The following MTOR variants were observed in gnomAD, a reference collection of about 807,000 sequenced individuals.
The protein encoded by MTOR is serine/threonine-protein kinase mTOR.
MTOR carries 70 observed loss-of-function variants against 319.8 expected under a neutral mutation model. The observed-to-expected ratio is 0.22, with a 90% CI of 0.18 to 0.27. The LOEUF (loss-of-function observed/expected upper bound fraction) is 0.27, where lower values mean the gene tolerates loss of function less well. Among genes scored for constraint, MTOR ranks in the 10% least tolerant of loss-of-function variants. MTOR has a pLI of 1.00. For synonymous variants in MTOR, 1,183 were observed against 1,211.4 expected (o/e 0.98, Z 0.49); for missense variants, 1,890 against 3,274.4 (o/e 0.58, Z 10.32).
rs1356346144 is a variant in MTOR at position 11,199,879 on chromosome 1, T to C, written c.3945-176A>G. On this transcript the variant is annotated intron_variant, in intron 26 of 57. Coordinates refer to ENST00000361445, the MANE Select transcript of MTOR (RefSeq NM_004958.4). This position sits in a 1 kb window ranked among gnomAD's most constrained non-coding sequence, Gnocchi z 4.5. ...GTCCAATATGGTAGCCAGTGATCAC[T>C]AAAGCACTTGAACTGTGGCAAGTGT... Among the ~76,000 whole-genome samples the C allele has an allele frequency of 6.6e-6, 1 of 152,240 alleles. No individual in the cohort carries two copies. Among genetic ancestry groups the C allele is most frequent in the African/African-American group, 2.4e-5 (1 of 41,454 alleles).
chr1:11,129,728 T>A lies in MTOR; in HGVS notation c.5714+10A>T, dbSNP rs748151442. On this transcript the variant is annotated intron_variant, in intron 40 of 57. Transcript: ENST00000361445. The surrounding 1 kb of genome is among the most constrained non-coding windows in gnomAD (Gnocchi z 4.7). ...GCCTACCAGAGTTGCATCCTTCCCT[T>A]CTCTGATACCTGAGTGTATCCTGGA... The A allele has an allele frequency of 1.2e-5, 19 of 1,611,732 alleles. No individual in the cohort carries two copies. Among genetic ancestry groups the A allele is most frequent in the Non-Finnish European group, 1.6e-5 (19 of 1,178,008 alleles).
chr1:11,112,585 C>A (rs906784036), intron 54 of MTOR, among the ~76,000 whole-genome samples: 1 of 152,202 alleles, frequency 6.6e-6, no homozygotes, highest in Admixed American at 6.5e-5. Flanking sequence ...TGTTCAGTAG[C>A]CATTACCACT....
chr1:11,242,736 G>A (rs1378599143), intron 9 of MTOR, among the ~76,000 whole-genome samples: 3 of 152,280 alleles, frequency 2.0e-5, no homozygotes, highest in Admixed American at 6.5e-5. Flanking sequence ...CAACTTCAGC[G>A]ATGAGGAAAA....
At chr1:11,156,178 C>T (rs757480693) in intron 30 of MTOR, among the ~76,000 whole-genome samples, 3 of 151,886 alleles carry the variant, frequency 2.0e-5, no homozygotes, top group Non-Finnish European at 4.4e-5. Flanking sequence ...TTAGTGGAGA[C>T]GAGGTTTCGC....
At chr1:11,161,706 A>G (rs1202673945) in intron 29 of MTOR, among the ~76,000 whole-genome samples, 1 of 152,194 alleles carries the variant, frequency 6.6e-6, no homozygotes, top group Non-Finnish European at 1.5e-5. Context: ...AACTCCAACA[A>G]AACTGCAGCT....
intron 13 of MTOR, among the ~76,000 whole-genome samples, chr1:11,236,002 T>C (rs574018110): frequency 3.3e-5 from 5 of 151,638 alleles, no homozygotes; most frequent in East Asian, 3.9e-4. Flanking sequence ...AGAAAGAAGA[T>C]TGCAGCCACG....
intron 28 of MTOR, among the ~76,000 whole-genome samples, chr1:11,196,620 C>T (rs913018096): frequency 1.3e-5 from 2 of 151,988 alleles, no homozygotes; most frequent in East Asian, 1.9e-4. Context: ...TTTAGGAGGC[C>T]GAGGCGGGTG....
intron 19 of MTOR, among the ~76,000 whole-genome samples, chr1:11,226,011 A>T (rs1360157975): frequency 6.6e-6 from 1 of 152,178 alleles, no homozygotes; most frequent in Non-Finnish European, 1.5e-5. Flanking sequence ...CAGATCCAAA[A>T]ATTCTAAGCT....
chr1:11,126,373 T>G (rs973934130), intron 46 of MTOR, among the ~76,000 whole-genome samples: 5 of 152,226 alleles, frequency 3.3e-5, no homozygotes, highest in African/African-American at 1.2e-4. Context: ...CTTCTCTGCC[T>G]TGCATGCCTT....
intron 29 of MTOR, among the ~76,000 whole-genome samples, chr1:11,162,239 T>A (rs576766496): frequency 6.6e-6 from 1 of 151,276 alleles, no homozygotes; most frequent in Admixed American, 6.6e-5. Flanking sequence ...AGAGAAAAAA[T>A]AAAAAGAAAC....
Position 11,115,265 on chromosome 1 carries a change from C to T in MTOR, c.7089+131G>A. 2 of 853,592 alleles carry T rather than the reference C, an allele frequency of 2.3e-6. No individual in the cohort carries two copies. The highest frequency in any genetic ancestry group is 3.9e-6 in the Non-Finnish European group (2 of 511,818). 52.9% of individuals were successfully genotyped at this position (853,592 alleles called of 1,614,324 possible). On this transcript the variant is annotated intron_variant, in intron 51 of 57. Transcript: ENST00000361445. The surrounding 1 kb of genome is among the most constrained non-coding windows in gnomAD (Gnocchi z 4.5). ...GATTTCATTTCTTAGACTGACTTAA[C>T]TACAGCCTTGGTAGGGCCAGCAGGG...
chr1:11,235,260 C>T (rs2100886170), intron 13 of MTOR, among the ~76,000 whole-genome samples: 1 of 152,294 alleles, frequency 6.6e-6, no homozygotes, highest in Non-Finnish European at 1.5e-5. Context: ...CACTTAGAGC[C>T]CGAGAGCCTC....
At chr1:11,254,883 G>A (rs1054611991) in intron 5 of MTOR, among the ~76,000 whole-genome samples, 2 of 151,620 alleles carry the variant, frequency 1.3e-5, no homozygotes, top group African/African-American at 4.8e-5. Context: ...TCCCGCCTCA[G>A]CCTCCCAAAT....
chr1:11,248,493 T>C (rs1312798446), intron 6 of MTOR, among the ~76,000 whole-genome samples: 1 of 152,164 alleles, frequency 6.6e-6, no homozygotes, highest in African/African-American at 2.4e-5. Flanking sequence ...GTCTGATCTC[T>C]TTCTTCTCCC....
chr1:11,251,655 CTT>C (rs761523542), intron 6 of MTOR, among the ~76,000 whole-genome samples: 32 of 113,666 alleles, frequency 2.8e-4, no homozygotes, highest in Admixed American at 6.3e-4. Flanking sequence ...TAGATAGTTT[CTT>C]TTTTTTTTTT....
In MTOR at chr1:11,255,028, T is replaced by C. The variant is rs147408645; in HGVS notation, c.705+964A>G. On this transcript the variant is annotated intron_variant, in intron 5 of 57. Coordinates refer to ENST00000361445, the MANE Select transcript of MTOR (RefSeq NM_004958.4). Reference sequence around the variant, plus strand: ...ATCCTCCTGCCTTGGCCTCCCAAAATGTTGGGATTACAGGCGTGAGCATCC... The same window carrying C: ...ATCCTCCTGCCTTGGCCTCCCAAAACGTTGGGATTACAGGCGTGAGCATCC... 4.0e-3 allele frequency among the ~76,000 whole-genome samples: 613 copies of C among 152,262 alleles called. 24 individuals are homozygous for C. In the East Asian group the frequency reaches 0.094, roughly 23 times the overall value.
intron 8 of MTOR, among the ~76,000 whole-genome samples, chr1:11,246,984 A>T (rs1186658119): frequency 6.6e-6 from 1 of 152,096 alleles, no homozygotes; most frequent in Non-Finnish European, 1.5e-5. Flanking sequence ...GGAGGCAGAG[A>T]TTGTTATTCT....
In MTOR at chr1:11,128,300, G is replaced by A. The variant is rs1003836387; in HGVS notation, c.5910+154C>T. 6.6e-6 allele frequency among the ~76,000 whole-genome samples: 1 copy of A among 152,184 alleles called. No individual in the cohort carries two copies. The highest frequency in any genetic ancestry group is 6.5e-5 in the Admixed American group (1 of 15,282). ...ACGCTTTCTTTTTAGCAAGGCTCCC[G>A]GGCCCTCTGGGACGGCTGGCTGGAC... On this transcript the variant is annotated intron_variant, in intron 42 of 57. Coordinates refer to ENST00000361445, the MANE Select transcript of MTOR (RefSeq NM_004958.4). The surrounding 1 kb of genome is among the most constrained non-coding windows in gnomAD (Gnocchi z 5.3).
intron 28 of MTOR, among the ~76,000 whole-genome samples, chr1:11,194,256 T>G (rs1241821317): frequency 6.6e-6 from 1 of 152,238 alleles, no homozygotes; most frequent in Admixed American, 6.5e-5. Flanking sequence ...CAAGGCCATA[T>G]GGTGAATCAG....
Sources: gnomAD v4.1 joint callset for allele counts (sites outside exome capture counted in the v4.1 genomes callset) on GRCh38, gnomAD v4.1.1 for gene constraint, Gnocchi (gnomAD v3.1) non-coding constraint, MANE v1.5 for transcripts, NCBI Gene and HGNC (gene_info 2026-07-23, HGNC 2026-07-21) for gene names.